Variants in ZDHHC20 observed in about 807,000 individuals in gnomAD.
ZDHHC20 encodes the protein zDHHC palmitoyltransferase 20, also known as palmitoyltransferase ZDHHC20.
Under a neutral mutation model 57.8 loss-of-function variants are expected in ZDHHC20, and 43 were observed. The observed-to-expected ratio is 0.74, with a 90% CI of 0.58 to 0.96. The LOEUF is 0.96. Among genes scored for constraint, ZDHHC20 ranks in the 40% least tolerant of loss-of-function variants. The probability of loss-of-function intolerance (pLI) is 0.00; values close to 1 mark genes in which losing one functional copy is unlikely to be tolerated. For missense variants in ZDHHC20, 391 were observed against 441.1 expected (o/e 0.89, Z 1.02); for synonymous variants, 157 against 153.0 (o/e 1.03, Z -0.19).
chr13:21,387,548 C>T lies in ZDHHC20; in HGVS notation c.814G>A (p.Gly272Ser), dbSNP rs1340971345. ...GCSKNWRQVFGDEKKYWLLPI... is the reference protein window; with the variant it reads ...GCSKNWRQVFSDEKKYWLLPI... ...AGTAGCCAATATTTCTTTTCATCACCAAAGACTTGTCTCCAATTTTTACTG... is the reference window on the plus strand; with the variant it reads ...AGTAGCCAATATTTCTTTTCATCACTAAAGACTTGTCTCCAATTTTTACTG... The change falls in exon 9 of 13, where the codon GGT becomes AGT. Residue 272 changes from glycine to serine, a missense_variant. Transcript: ENST00000400590. 1.3e-6 allele frequency: 2 copies of T among 1,536,550 alleles called. No individual in the cohort carries two copies. Among genetic ancestry groups the T allele is most frequent in the Admixed American group, 2.0e-5 (1 of 49,328 alleles).
At chr13:21,411,579 T>C (rs1356422292) in intron 4 of ZDHHC20, among the ~76,000 whole-genome samples, 8 of 152,134 alleles carry the variant, frequency 5.3e-5, no homozygotes, top group African/African-American at 1.9e-4. Context: ...CCTTCTCCAC[T>C]CAACATTCTG....
At chr13:21,384,214 CG>C (rs1474972302) in intron 9 of ZDHHC20, among the ~76,000 whole-genome samples, 2 of 151,264 alleles carry the variant, frequency 1.3e-5, no homozygotes, top group Admixed American at 1.3e-4. Context: ...CTGAGGCAGG[CG>C]GATCACTTGA....
At chr13:21,458,956 G>T in intron 1 of ZDHHC20, 98 bp downstream of exon 1, 1 of 895,388 alleles carries the variant, frequency 1.1e-6, no homozygotes, top group Non-Finnish European at 1.6e-6. Context: ...GGCGTCCGGC[G>T]CTGGCTCCAG....
intron 1 of ZDHHC20, among the ~76,000 whole-genome samples, chr13:21,427,566 G>A (rs1385030816): frequency 3.9e-5 from 6 of 152,130 alleles, no homozygotes; most frequent in African/African-American, 1.4e-4. Flanking sequence ...GGGCACGGTG[G>A]CTCACGCCTG....
chr13:21,395,411 T>C (rs906284269), intron 7 of ZDHHC20, among the ~76,000 whole-genome samples: 2 of 151,588 alleles, frequency 1.3e-5, no homozygotes, highest in Non-Finnish European at 2.9e-5. Context: ...GGTAGTTGCA[T>C]AATTTCTCCA....
At chr13:21,411,641 AC>A (rs1469776352) in intron 4 of ZDHHC20, among the ~76,000 whole-genome samples, 3 of 152,226 alleles carry the variant, frequency 2.0e-5, no homozygotes, top group Non-Finnish European at 2.9e-5. Flanking sequence ...ATTAAACCAA[AC>A]AGACCTTGTA....
At chr13:21,413,834 GA>G in intron 3 of ZDHHC20, 62 bp from the exon 4 acceptor site, 1 of 1,421,126 alleles carries the variant, frequency 7.0e-7, no homozygotes, top group Non-Finnish European at 9.4e-7. Flanking sequence ...ATCATGCTCA[GA>G]AAAAGTTTTA....
At position 21,391,771 on chromosome 13, in the gene ZDHHC20, T is replaced by C. The variant is rs1354850388; in HGVS notation, c.678A>G (p.Ser226=). The C allele has an allele frequency of 6.2e-7, 1 of 1,612,960 alleles. No homozygotes were observed. Among genetic ancestry groups the C allele is most frequent in the Non-Finnish European group, 8.5e-7 (1 of 1,179,776 alleles). The change falls in exon 8 of 13, where the codon TCA becomes TCG. Residue 226 remains serine, a synonymous_variant. Transcript: ENST00000400590. ...CTAGCCAGCAGTGGTAGCTGAAAAG[T>C]GAGAGGACGCTGATGAAGAACATTG... ...VSAMFFISVL[S]LFSYHCWLVG... is the part of the protein sequence containing the mutation.
At chr13:21,428,025 T>C (rs1489123148) in intron 1 of ZDHHC20, among the ~76,000 whole-genome samples, 2 of 152,114 alleles carry the variant, frequency 1.3e-5, no homozygotes, top group Non-Finnish European at 2.9e-5. Flanking sequence ...CTAGGTTTTT[T>C]TCCTGGAGGT....
chr13:21,407,943 A>G (rs1049849211), intron 4 of ZDHHC20, among the ~76,000 whole-genome samples: 17 of 152,024 alleles, frequency 1.1e-4, no homozygotes, highest in Non-Finnish European at 2.2e-4. Context: ...GTGTGGTGTT[A>G]TTTCTGAGGC....
In ZDHHC20 at chr13:21,440,024, G is replaced by A. The variant is rs141411222; in HGVS notation, c.119-14346C>T. ...AGAGGTTTCAGTGAGCCAAGATCGC[G>A]CCATGGCACTCCAGCCTGGGCGACA... is the stretch of plus-strand genomic sequence containing the variant. On this transcript the variant is annotated intron_variant, in intron 1 of 12. Transcript: ENST00000400590. Among the ~76,000 whole-genome samples the A allele has an allele frequency of 2.9e-3, 399 of 137,174 alleles. 3 individuals are homozygous for A. The highest frequency in any genetic ancestry group is 0.011 in the African/African-American group (381 of 35,790). The allele number at this position is 137,174 out of a possible 152,430, so 90.0% of individuals were successfully genotyped here. A position where few individuals can be genotyped will look rare whatever the true frequency, so the allele number is the denominator to read the frequency against.
chr13:21,435,396 G>A (rs1882437845), intron 1 of ZDHHC20, among the ~76,000 whole-genome samples: 1 of 151,956 alleles, frequency 6.6e-6, no homozygotes, highest in Non-Finnish European at 1.5e-5. Context: ...GGCAGGAAAA[G>A]TATCAAACAA....
intron 1 of ZDHHC20, among the ~76,000 whole-genome samples, chr13:21,437,536 C>T (rs1882679398): frequency 6.6e-6 from 1 of 152,148 alleles, no homozygotes; most frequent in African/African-American, 2.4e-5. Context: ...TCTCAGGAGC[C>T]AATGTAGCTG....
intron 4 of ZDHHC20, chr13:21,404,244 T>C (rs1331999483): frequency 2.2e-6 from 1 of 459,164 alleles, no homozygotes; most frequent in Non-Finnish European, 4.4e-6. Context: ...ACCAATCTTC[T>C]TTCTGTTCTT....
At chr13:21,394,853 A>G (rs1295873831) in intron 7 of ZDHHC20, among the ~76,000 whole-genome samples, 2 of 152,154 alleles carry the variant, frequency 1.3e-5, no homozygotes, top group Non-Finnish European at 2.9e-5. Context: ...TTCTCTTCTA[A>G]TATGTGCAAA....
At chr13:21,392,533 G>C (rs1250369235) in intron 7 of ZDHHC20, among the ~76,000 whole-genome samples, 1 of 152,036 alleles carries the variant, frequency 6.6e-6, no homozygotes, top group Non-Finnish European at 1.5e-5. Flanking sequence ...TAGCAATTTT[G>C]ATAAATAAAT....
intron 9 of ZDHHC20, among the ~76,000 whole-genome samples, chr13:21,383,908 T>C (rs146195583): frequency 1.7e-3 from 252 of 152,176 alleles, no homozygotes; most frequent in South Asian, 4.2e-3. Context: ...TTGTATACTA[T>C]AGGGACTTTT....
At chr13:21,420,687 T>G (rs528908480) in intron 3 of ZDHHC20, among the ~76,000 whole-genome samples, 1 of 152,368 alleles carries the variant, frequency 6.6e-6, no homozygotes, top group African/African-American at 2.4e-5. Context: ...AAACTTTCTT[T>G]AATTGCAGCA....
chr13:21,439,099 T>C (rs1463501264), intron 1 of ZDHHC20, among the ~76,000 whole-genome samples: 1 of 150,674 alleles, frequency 6.6e-6, no homozygotes, highest in African/African-American at 2.5e-5. Flanking sequence ...TGCTTTATTG[T>C]GGTGGTATGA....
Sources: allele counts gnomAD v4.1 joint callset (sites outside exome capture counted in the v4.1 genomes callset), GRCh38; gene constraint gnomAD v4.1.1; transcripts MANE v1.5; gene names NCBI Gene and HGNC (gene_info 2026-07-23, HGNC 2026-07-21).